Variants in GPR158 observed in about 807,000 individuals in gnomAD.
GPR158 encodes the protein metabotropic glycine receptor.
In GPR158, 30 loss-of-function variants were observed where a neutral mutation model predicts 78.2. The ratio of observed to expected loss-of-function variants is 0.38; its 90% CI spans 0.29 to 0.52. The LOEUF is 0.52. GPR158 is among the 20% of genes least tolerant of loss of function. The pLI, the probability that GPR158 is intolerant of heterozygous loss-of-function variation, is 0.83. For synonymous variants in GPR158, 581 were observed against 591.1 expected (o/e 0.98, Z 0.25); for missense variants, 1,463 against 1,523.5 (o/e 0.96, Z 0.66).
chr10:25,282,085 G>A lies in GPR158; in HGVS notation c.1008+60928G>A, dbSNP rs115529040. ...TCATCATAATCAAGCAACAAAACAG[G>A]TCAATCATTCCCCAAACTTCTTTGT... On this transcript the variant is annotated intron_variant, in intron 2 of 10. Coordinates refer to ENST00000376351, the MANE Select transcript of GPR158 (RefSeq NM_020752.3). Among the ~76,000 whole-genome samples, 1,082 of 152,188 alleles carry A rather than the reference G, an allele frequency of 7.1e-3. 15 individuals carry two copies. Among genetic ancestry groups the A allele is most frequent in the African/African-American group, 0.025 (1,039 of 41,534 alleles).
chr10:25,276,208 C>G (rs1854180806), intron 2 of GPR158, among the ~76,000 whole-genome samples: 1 of 152,150 alleles, frequency 6.6e-6, no homozygotes. Context: ...TGTAATAACA[C>G]TGATCAGTGT....
intron 2 of GPR158, among the ~76,000 whole-genome samples, chr10:25,284,984 G>T (rs1388400391): frequency 5.3e-5 from 8 of 150,508 alleles, no homozygotes; most frequent in Non-Finnish European, 1.0e-4. Context: ...TTTTATTTAG[G>T]CTGTTAGTTA....
chr10:25,211,706 C>G (rs999050975), intron 1 of GPR158, among the ~76,000 whole-genome samples: 3 of 151,730 alleles, frequency 2.0e-5, no homozygotes, highest in Non-Finnish European at 2.9e-5. Context: ...CACAAATATT[C>G]TCTTATGTTA....
At chr10:25,250,527 G>T (rs1437027050) in intron 2 of GPR158, among the ~76,000 whole-genome samples, 91 of 145,190 alleles carry the variant, frequency 6.3e-4, no homozygotes, top group African/African-American at 2.2e-3. Context: ...TGTTCTCGTT[G>T]GTTTCAAAGA....
chr10:25,247,752 T>C (rs1024109480), intron 2 of GPR158, among the ~76,000 whole-genome samples: 6 of 151,880 alleles, frequency 4.0e-5, no homozygotes, highest in Non-Finnish European at 7.4e-5. Flanking sequence ...TCTTTGCTAT[T>C]GTGAATAATG....
chr10:25,252,036 C>T (rs1564402561), intron 2 of GPR158, among the ~76,000 whole-genome samples: 1 of 151,418 alleles, frequency 6.6e-6, no homozygotes, highest in Admixed American at 6.6e-5. Context: ...TTTCTCTAAA[C>T]TTCCCTTCTC....
intron 2 of GPR158, among the ~76,000 whole-genome samples, chr10:25,352,877 A>G (rs1489474798): frequency 6.6e-6 from 1 of 152,054 alleles, no homozygotes; most frequent in Admixed American, 6.6e-5. Context: ...CTTAGTATTC[A>G]GCATGGTCAT....
At chr10:25,253,663 A>G (rs1035258462) in intron 2 of GPR158, among the ~76,000 whole-genome samples, 1 of 152,202 alleles carries the variant, frequency 6.6e-6, no homozygotes, top group African/African-American at 2.4e-5. Context: ...TGCTCTATAA[A>G]CATATGAGCC....
chr10:25,362,144 A>G (rs777995361), intron 2 of GPR158, among the ~76,000 whole-genome samples: 48 of 151,968 alleles, frequency 3.2e-4, no homozygotes, highest in Admixed American at 5.9e-4. Flanking sequence ...TATATATGGC[A>G]TAAGGATCCA....
intron 2 of GPR158, among the ~76,000 whole-genome samples, chr10:25,342,608 A>G (rs1292038647): frequency 6.6e-6 from 1 of 151,824 alleles, no homozygotes; most frequent in Non-Finnish European, 1.5e-5. Context: ...ATATTGGTGT[A>G]TATGCTTGGG....
intron 2 of GPR158, among the ~76,000 whole-genome samples, chr10:25,265,586 A>G (rs1854035305): frequency 6.6e-6 from 1 of 152,176 alleles, no homozygotes; most frequent in Admixed American, 6.6e-5. Context: ...AAGAGCAAGA[A>G]TGGGAGACAT....
chr10:25,465,336 TATTA>T (rs780020017), intron 4 of GPR158, among the ~76,000 whole-genome samples: 2 of 152,222 alleles, frequency 1.3e-5, no homozygotes, highest in Non-Finnish European at 1.5e-5. Flanking sequence ...GTGTTTGCAG[TATTA>T]ATTGATATAT....
rs143038387 is a variant in GPR158, at chr10:25,556,900, GAA to G, written c.1514+5821_1514+5822del. The stretch of plus-strand genomic sequence containing the variant: ...TCTCATACTAGCATTTAAAAACGTT[GAA>G]AAAAAGTTTTGTAAGTGGCTTGACT... On this transcript the variant is annotated intron_variant, in intron 6 of 10. Coordinates refer to ENST00000376351, the MANE Select transcript of GPR158 (RefSeq NM_020752.3). 3.2e-4 allele frequency among the ~76,000 whole-genome samples: 48 copies of G among 151,940 alleles called. No homozygotes were observed. The South Asian group carries it at 9.8e-3, about 31-fold the overall frequency.
chr10:25,357,226 A>C (rs1250657820), intron 2 of GPR158, among the ~76,000 whole-genome samples: 1 of 152,130 alleles, frequency 6.6e-6, no homozygotes. Context: ...CACTTTTATA[A>C]GGGGAGAAGA....
intron 7 of GPR158, among the ~76,000 whole-genome samples, chr10:25,586,717 A>G (rs1837274188): frequency 6.6e-6 from 1 of 152,152 alleles, no homozygotes; most frequent in Admixed American, 6.5e-5. Flanking sequence ...CCGGCCCGGT[A>G]TGCATGAACC....
intron 2 of GPR158, among the ~76,000 whole-genome samples, chr10:25,324,380 G>A (rs1854997604): frequency 6.6e-6 from 1 of 152,188 alleles, no homozygotes; most frequent in Admixed American, 6.5e-5. Flanking sequence ...GGAATAGAGA[G>A]GCCCCAGGAG....
chr10:25,338,713 TTGTTCTTTC>T (rs1855262489), intron 2 of GPR158, among the ~76,000 whole-genome samples: 1 of 149,816 alleles, frequency 6.7e-6, no homozygotes, highest in Non-Finnish European at 1.5e-5. Flanking sequence ...TTCTGAAACT[TTGTTCTTTC>T]TTCAAAATTG....
Position 25,534,453 on chromosome 10 carries a change from G to A in GPR158, c.1405-16523G>A, listed in dbSNP as rs187973106. Among the ~76,000 whole-genome samples, 312 of 151,890 alleles carry A rather than the reference G, an allele frequency of 2.1e-3. 2 individuals carry two copies. The highest frequency in any genetic ancestry group is 7.2e-3 in the African/African-American group (299 of 41,404). On this transcript the variant is annotated intron_variant, in intron 5 of 10. Transcript: ENST00000376351. ...TCAGTTCGAGACCACCCTGGCTAAC[G>A]TGATAAAACCCCGTCTGTACTAAAA...
In GPR158 at chr10:25,251,380, C is replaced by T. The variant is rs992196109; in HGVS notation, c.1008+30223C>T. ...TATGATGTTAGCTGGTGATTTTGCT[C>T]GTTAGTTGATGCAGTTTCTTCCTAG... On this transcript the variant is annotated intron_variant, in intron 2 of 10. Coordinates refer to ENST00000376351, the MANE Select transcript of GPR158 (RefSeq NM_020752.3). 2.8e-3 allele frequency among the ~76,000 whole-genome samples: 417 copies of T among 150,624 alleles called. 1 individual carries two copies. The highest frequency in any genetic ancestry group is 9.8e-3 in the African/African-American group (396 of 40,608).
Sources: gnomAD v4.1 joint callset for allele counts (sites outside exome capture counted in the v4.1 genomes callset) on GRCh38, gnomAD v4.1.1 for gene constraint, MANE v1.5 for transcripts, NCBI Gene and HGNC (gene_info 2026-07-23, HGNC 2026-07-21) for gene names.